Variants in RNF6 observed in about 807,000 individuals in gnomAD.
The protein encoded by RNF6 is E3 ubiquitin-protein ligase RNF6.
RNF6 carries 21 observed loss-of-function variants against 50.1 expected under a neutral mutation model. The ratio of observed to expected loss-of-function variants is 0.42; its 90% CI spans 0.30 to 0.60. RNF6 has a LOEUF of 0.60. Ranked by LOEUF, RNF6 falls within the 20% of genes least tolerant of loss-of-function variation. RNF6 has a pLI of 0.20. For missense variants in RNF6, 698 were observed against 838.2 expected, an observed-to-expected ratio of 0.83 and a Z score of 2.07; for synonymous variants, 255 against 291.8, an observed-to-expected ratio of 0.87 and a Z score of 1.29.
chr13:26,197,374 T>G (rs1477232444), intron 5 of RNF6, among the ~76,000 whole-genome samples: 1 of 151,972 alleles, frequency 6.6e-6, no homozygotes, highest in Non-Finnish European at 1.5e-5. Flanking sequence ...AGGAGTGTCT[T>G]TCCCAAGGAC....
rs577011662 is a variant in RNF6 at position 26,186,546 on chromosome 13, A to G, written n.768+28928T>C. ...GGCGCGCGCACACACATGCACGTGC[A>G]CGAGCGCACGTACACGCGCACACCG... is the stretch of plus-strand genomic sequence containing the variant. On this transcript the variant is annotated intron_variant and non_coding_transcript_variant, in intron 5 of 5. Coordinates refer to the RNF6 transcript ENST00000468480. Among the ~76,000 whole-genome samples the G allele has an allele frequency of 2.6e-5, 4 of 152,312 alleles. No homozygotes were observed. In the South Asian group the frequency reaches 8.3e-4, roughly 32 times the overall value.
At chr13:26,170,990 A>G (rs928680756) in intron 5 of RNF6, among the ~76,000 whole-genome samples, 3 of 152,182 alleles carry the variant, frequency 2.0e-5, no homozygotes, top group Admixed American at 6.5e-5. Flanking sequence ...TCTTCATGAC[A>G]TTGGGTTTGG....
chr13:26,213,604 C>A lies in RNF6; in HGVS notation c.*220G>T, dbSNP rs548604120. On this transcript the variant is annotated 3_prime_UTR_variant, in exon 5 of 5. Transcript: ENST00000381588. ...CATTTTAGAGGTTATTTGGTTCTAG[C>A]AATATTAACTATTCTGTATTTCTGG... 3 of 386,614 alleles carry A rather than the reference C, an allele frequency of 7.8e-6. No homozygotes were observed. The highest frequency in any genetic ancestry group is 2.1e-5 in the African/African-American group (1 of 48,000). The allele number at this position is 386,614 out of a possible 1,614,324, so 23.9% of individuals were successfully genotyped here.
intron 5 of RNF6, among the ~76,000 whole-genome samples, chr13:26,184,881 C>T (rs941615530): frequency 1.3e-5 from 2 of 152,168 alleles, no homozygotes; most frequent in African/African-American, 2.4e-5. Context: ...CCTTAGCTGC[C>T]CTCCACCAGT....
chr13:26,217,916 G>T (rs1870062432), intron 4 of RNF6, among the ~76,000 whole-genome samples: 1 of 152,006 alleles, frequency 6.6e-6, no homozygotes, highest in African/African-American at 2.4e-5. Flanking sequence ...TGCATTTTGG[G>T]GTTTTTACAT....
At chr13:26,196,204 G>A (rs1441312239) in intron 5 of RNF6, among the ~76,000 whole-genome samples, 1 of 152,052 alleles carries the variant, frequency 6.6e-6, no homozygotes, top group Non-Finnish European at 1.5e-5. Flanking sequence ...AGAGAAAAAA[G>A]TTATCACAAA....
chr13:26,151,279 A>G (rs1030734391), intron 5 of RNF6, among the ~76,000 whole-genome samples: 7 of 146,420 alleles, frequency 4.8e-5, no homozygotes, highest in African/African-American at 1.0e-4. Context: ...TTTTTTTTTT[A>G]TGAGACAGAA....
intron 5 of RNF6, among the ~76,000 whole-genome samples, chr13:26,139,404 A>T (rs1287337458): frequency 4.6e-5 from 7 of 152,128 alleles, no homozygotes; most frequent in Admixed American, 1.3e-4. Flanking sequence ...CCTCCTGACC[A>T]AACCTGATGT....
chr13:26,195,859 A>G (rs1426087998), intron 5 of RNF6, among the ~76,000 whole-genome samples: 1 of 152,156 alleles, frequency 6.6e-6, no homozygotes, highest in African/African-American at 2.4e-5. Flanking sequence ...ACTTCTCTCA[A>G]GATGACCTTA....
At chr13:26,167,480 G>C (rs7997849) in intron 5 of RNF6, among the ~76,000 whole-genome samples, 113,483 of 152,072 alleles carry the variant, frequency 0.75, 42,601 homozygotes, top group East Asian at 0.8. Flanking sequence ...TAGAGAAATG[G>C]AAATCAAAAC....
chr13:26,209,437 G>A (rs537436735), downstream of RNF6, among the ~76,000 whole-genome samples: 2 of 152,320 alleles, frequency 1.3e-5, no homozygotes, highest in South Asian at 4.1e-4. Context: ...TCAATGTATG[G>A]CACTTCTTTC....
chr13:26,148,308 G>T (rs1026861486), intron 5 of RNF6, among the ~76,000 whole-genome samples: 1 of 151,908 alleles, frequency 6.6e-6, no homozygotes, highest in African/African-American at 2.4e-5. Flanking sequence ...ATGAGATTTG[G>T]GTGGGGACAC....
intron 5 of RNF6, among the ~76,000 whole-genome samples, chr13:26,147,864 T>C (rs1871332067): frequency 6.6e-6 from 1 of 152,222 alleles, no homozygotes; most frequent in African/African-American, 2.4e-5. Flanking sequence ...AATCCCTGAG[T>C]TATTTCCCTT....
rs145861047 is a variant in RNF6 at position 26,215,325 on chromosome 13, T to C, written c.557A>G (p.Gln186Arg). Residue 186 changes from glutamine (Q) to arginine (R), a missense_variant, in exon 5 of 5, where the codon CAA becomes CGA. Transcript: ENST00000381588. ...DSNRDHTANR[Q>R]QRSTSPVARR... ...AGCCACAGGACTAGTTGACCTTTGTTGCCTATTTGCAGTATGATCTCTGTT... is the reference window on the plus strand; with the variant it reads ...AGCCACAGGACTAGTTGACCTTTGTCGCCTATTTGCAGTATGATCTCTGTT... The C allele has an allele frequency of 2.5e-6, 4 of 1,614,124 alleles. No homozygotes were observed. The highest frequency in any genetic ancestry group is 8.5e-7 in the Non-Finnish European group (1 of 1,180,054).
At chr13:26,205,981 C>G (rs768701828) in intron 5 of RNF6, among the ~76,000 whole-genome samples, 6 of 152,150 alleles carry the variant, frequency 3.9e-5, no homozygotes, top group African/African-American at 2.4e-5. Context: ...CCACTGCACT[C>G]CAGCCTGAGA....
intron 5 of RNF6, among the ~76,000 whole-genome samples, chr13:26,184,829 T>C (rs1165912692): frequency 2.0e-5 from 3 of 152,130 alleles, no homozygotes; most frequent in Non-Finnish European, 2.9e-5. Context: ...AAAGGATAAA[T>C]CTGTGGACTC....
chr13:26,198,151 C>CAT (rs1171769144), intron 5 of RNF6, among the ~76,000 whole-genome samples: 1 of 149,948 alleles, frequency 6.7e-6, no homozygotes, highest in Admixed American at 6.6e-5. Context: ...TATACACACA[C>CAT]ATATATATAT....
chr13:26,220,724 G>A (rs1053292597), intron 2 of RNF6, among the ~76,000 whole-genome samples: 1 of 152,204 alleles, frequency 6.6e-6, no homozygotes, highest in African/African-American at 2.4e-5. Flanking sequence ...TTTCTGGCAT[G>A]TCACTAAAGG....
chr13:26,185,322 G>C (rs931506771), intron 5 of RNF6, among the ~76,000 whole-genome samples: 2 of 151,854 alleles, frequency 1.3e-5, no homozygotes, highest in African/African-American at 4.8e-5. Flanking sequence ...TTTTATTTTA[G>C]CTTTTTAAAA....
Sources: allele counts gnomAD v4.1 joint callset (sites outside exome capture counted in the v4.1 genomes callset), GRCh38; gene constraint gnomAD v4.1.1; transcripts MANE v1.5; gene names NCBI Gene and HGNC (gene_info 2026-07-23, HGNC 2026-07-21).